MAML2: variants seen among roughly 807,000 people sequenced by gnomAD.
MAML2 encodes the protein mastermind like transcriptional coactivator 2.
In MAML2, 22 loss-of-function variants were observed where a neutral mutation model predicts 96.1. The observed-to-expected ratio is 0.23, with a 90% confidence interval of 0.16 to 0.33. The LOEUF is 0.33. Ranked by LOEUF, MAML2 falls within the 10% of genes least tolerant of loss-of-function variation. MAML2 has a pLI of 1.00. For missense variants in MAML2, 1,367 were observed against 1,392.4 expected (o/e 0.98, Z 0.29); for synonymous variants, 561 against 521.3 (o/e 1.08, Z -1.04).
intron 2 of MAML2, among the ~76,000 whole-genome samples, chr11:96,018,760 C>A (rs1858392985): frequency 1.3e-5 from 2 of 152,044 alleles, no homozygotes; most frequent in Non-Finnish European, 2.9e-5. Flanking sequence ...CCATGACTGG[C>A]TAATTTTTAG....
intron 2 of MAML2, among the ~76,000 whole-genome samples, chr11:96,063,098 G>GA (rs1201090514): frequency 1.2e-3 from 1 of 868 alleles, no homozygotes; most frequent in Non-Finnish European, 0.024. Flanking sequence ...GCACTTTGGT[G>GA]ATTTTTCTTT....
chr11:96,068,916 T>C (rs1215836511), intron 2 of MAML2, among the ~76,000 whole-genome samples: 3 of 37,706 alleles, frequency 8.0e-5, no homozygotes, highest in African/African-American at 1.5e-4. Flanking sequence ...TCTTCCCTCC[T>C]TTTTTTTTTT....
intron 2 of MAML2, among the ~76,000 whole-genome samples, chr11:96,074,752 A>C (rs188146197): frequency 6.6e-4 from 101 of 152,326 alleles, no homozygotes; most frequent in African/African-American, 2.3e-3. Context: ...TAAAAGTTAG[A>C]TTCCTGTGTC....
At position 96,216,011 on chromosome 11, in the gene MAML2, G is replaced by A. The variant is rs74893971; in HGVS notation, c.514-122494C>T. On this transcript the variant is annotated intron_variant, in intron 1 of 4. Transcript: ENST00000524717. ...GGCTGAGACATGTACTGCATATTTT[G>A]AGACAGAGTTACATACTCAATTTGC... Among the ~76,000 whole-genome samples, 682 of 151,976 alleles carry A rather than the reference G, an allele frequency of 4.5e-3. 4 individuals carry two copies. The highest frequency in any genetic ancestry group is 6.8e-3 in the Middle Eastern group (2 of 292).
intron 2 of MAML2, among the ~76,000 whole-genome samples, chr11:96,066,588 G>C (rs1859248905): frequency 6.6e-6 from 1 of 152,200 alleles, no homozygotes; most frequent in African/African-American, 2.4e-5. Flanking sequence ...TGAGACCAGA[G>C]TCCATTGAAT....
At chr11:96,010,802 A>C (rs1858254869) in intron 2 of MAML2, among the ~76,000 whole-genome samples, 2 of 152,206 alleles carry the variant, frequency 1.3e-5, no homozygotes. Flanking sequence ...TGAGAATATC[A>C]CTAACAGTTT....
At chr11:96,115,501 C>A (rs1860220649) in intron 1 of MAML2, among the ~76,000 whole-genome samples, 1 of 150,932 alleles carries the variant, frequency 6.6e-6, no homozygotes, top group South Asian at 2.1e-4. Flanking sequence ...CCCATTCATA[C>A]TCCAAGTAAT....
At chr11:96,257,941 C>T (rs1463264537) in intron 1 of MAML2, among the ~76,000 whole-genome samples, 1 of 138,108 alleles carries the variant, frequency 7.2e-6, no homozygotes, top group East Asian at 2.5e-4. Context: ...TCTCATTGCT[C>T]CTGTCTCTGA....
intron 1 of MAML2, among the ~76,000 whole-genome samples, chr11:96,336,167 G>C (rs1365161970): frequency 1.9e-5 from 2 of 107,258 alleles, no homozygotes; most frequent in Non-Finnish European, 3.6e-5. Flanking sequence ...ACCTGAACAT[G>C]GTCTAACTAT....
intron 1 of MAML2, among the ~76,000 whole-genome samples, chr11:96,244,508 CTTAAA>C (rs764109639): frequency 4.6e-5 from 7 of 152,112 alleles, no homozygotes; most frequent in Admixed American, 3.3e-4. Context: ...ATTATTCATC[CTTAAA>C]TTAAAAATGG....
At chr11:96,189,473 C>T (rs928598598) in intron 1 of MAML2, among the ~76,000 whole-genome samples, 9 of 152,100 alleles carry the variant, frequency 5.9e-5, no homozygotes, top group Non-Finnish European at 1.5e-5. Flanking sequence ...AACACTATTG[C>T]GGGATAGACT....
chr11:96,201,641 G>A (rs888581306), intron 1 of MAML2, among the ~76,000 whole-genome samples: 11 of 152,270 alleles, frequency 7.2e-5, no homozygotes, highest in African/African-American at 9.6e-5. Flanking sequence ...CAAATGGGGC[G>A]GGGTGTGGTG....
At chr11:96,020,069 G>A (rs1374879856) in intron 2 of MAML2, among the ~76,000 whole-genome samples, 3 of 152,184 alleles carry the variant, frequency 2.0e-5, no homozygotes, top group African/African-American at 7.2e-5. Flanking sequence ...GTGCCAGTCA[G>A]TGAAGGGGAG....
intron 2 of MAML2, among the ~76,000 whole-genome samples, chr11:96,066,673 A>T (rs74383031): frequency 1.4e-4 from 1 of 6,966 alleles, no homozygotes. Flanking sequence ...TTAAACATTT[A>T]TTATGTGCCA....
chr11:96,034,590 G>C (rs1240517143), intron 2 of MAML2, among the ~76,000 whole-genome samples: 1 of 152,082 alleles, frequency 6.6e-6, no homozygotes, highest in Admixed American at 6.5e-5. Context: ...AAATTTTGTG[G>C]AAGTAGCAAA....
chr11:96,030,303 A>T (rs1442986768), intron 2 of MAML2, among the ~76,000 whole-genome samples: 2 of 152,116 alleles, frequency 1.3e-5, no homozygotes, highest in Non-Finnish European at 2.9e-5. Flanking sequence ...TAAAAAAGGA[A>T]GAGAAGATGG....
At chr11:96,049,616 C>T (rs1451833250) in intron 2 of MAML2, among the ~76,000 whole-genome samples, 2 of 152,158 alleles carry the variant, frequency 1.3e-5, no homozygotes, top group African/African-American at 4.8e-5. Flanking sequence ...GTGTTGTAAT[C>T]TCTCTGAGCT....
rs151032014 is a variant in MAML2, at chr11:96,127,079, A to G, written c.514-33562T>C. Among the ~76,000 whole-genome samples the G allele has an allele frequency of 1.9e-3, 292 of 151,974 alleles. 5 individuals are homozygous for G. Among genetic ancestry groups the G allele is most frequent in the South Asian group, 0.019 (91 of 4,822 alleles). ...ACCACACCCACTGTTTCTTGAAACCATTCGTAAAGTTCAGCTTGAAAGGTG... is the reference window on the plus strand; with the variant it reads ...ACCACACCCACTGTTTCTTGAAACCGTTCGTAAAGTTCAGCTTGAAAGGTG... On this transcript the variant is annotated intron_variant, in intron 1 of 4. Transcript: ENST00000524717.
At chr11:96,284,542 A>G (rs1863113023) in intron 1 of MAML2, among the ~76,000 whole-genome samples, 1 of 152,198 alleles carries the variant, frequency 6.6e-6, no homozygotes, top group Non-Finnish European at 1.5e-5. Context: ...TGAATCTGCA[A>G]TTCTTCTTTA....
Sources: gnomAD v4.1 joint callset for allele counts (sites outside exome capture counted in the v4.1 genomes callset) on GRCh38, gnomAD v4.1.1 for gene constraint, MANE v1.5 for transcripts, NCBI Gene and HGNC (gene_info 2026-07-23, HGNC 2026-07-21) for gene names.